Variants in CADPS observed in about 807,000 individuals in gnomAD.
The protein encoded by CADPS is calcium dependent secretion activator.
CADPS carries 57 observed loss-of-function variants against 167.3 expected under a neutral mutation model. The observed-to-expected ratio is 0.34, with a 90% CI of 0.28 to 0.42. The LOEUF (loss-of-function observed/expected upper bound fraction) is 0.42. Ranked by LOEUF, CADPS falls within the 20% of genes least tolerant of loss-of-function variation. CADPS has a pLI of 1.00. For synonymous variants in CADPS, 676 were observed against 635.3 expected (o/e 1.06, Z -0.96); for missense variants, 1,414 against 1,738.1 (o/e 0.81, Z 3.32).
chr3:62,818,281 C>T (rs2094722212), intron 1 of CADPS, among the ~76,000 whole-genome samples: 1 of 152,124 alleles, frequency 6.6e-6, no homozygotes, highest in Non-Finnish European at 1.5e-5. Flanking sequence ...ACCCACACTA[C>T]ATCTACTGTA....
At chr3:62,659,865 AG>A (rs1297367453) in intron 4 of CADPS, among the ~76,000 whole-genome samples, 2 of 152,210 alleles carry the variant, frequency 1.3e-5, no homozygotes, top group African/African-American at 4.8e-5. Flanking sequence ...AAAGAACAGG[AG>A]ACAGTAGAGG....
intron 6 of CADPS, among the ~76,000 whole-genome samples, chr3:62,621,391 C>T (rs1389532628): frequency 6.6e-6 from 1 of 151,988 alleles, no homozygotes; most frequent in East Asian, 1.9e-4. Context: ...TGGCAGAATC[C>T]CAGTGAGCAA....
At chr3:62,791,187 T>C (rs188083345) in intron 1 of CADPS, among the ~76,000 whole-genome samples, 1 of 152,338 alleles carries the variant, frequency 6.6e-6, no homozygotes, top group East Asian at 1.9e-4. Flanking sequence ...CTGAATATTC[T>C]ATAGCAGTAT....
rs1350761140 is a variant in CADPS at position 62,478,582 on chromosome 3, G to C, written c.3174-166C>G. ...GCGAGTCTCCACCGGCAGATTTTGA[G>C]TTTTACCATACATGACTTAGTGTGC... On this transcript the variant is annotated intron_variant, in intron 22 of 29. Coordinates refer to ENST00000383710, the MANE Select transcript of CADPS (RefSeq NM_003716.4). The surrounding 1 kb of genome is among the most constrained non-coding windows in gnomAD (Gnocchi z 5.7). Among the ~76,000 whole-genome samples, 1 of 152,116 alleles carries C rather than the reference G, an allele frequency of 6.6e-6. No individual in the cohort carries two copies. The highest frequency in any genetic ancestry group is 1.5e-5 in the Non-Finnish European group (1 of 68,026).
chr3:62,787,357 C>T (rs984326141), intron 1 of CADPS, among the ~76,000 whole-genome samples: 7 of 152,022 alleles, frequency 4.6e-5, no homozygotes, highest in African/African-American at 1.4e-4. Flanking sequence ...ATTCAGAAAG[C>T]GTGAAACAAA....
chr3:62,527,479 C>T lies in CADPS; in HGVS notation c.2291+5392G>A, dbSNP rs142695943. Among the ~76,000 whole-genome samples, 456 of 152,120 alleles carry T rather than the reference C, an allele frequency of 3.0e-3. 3 individuals are homozygous for T. Among genetic ancestry groups the T allele is most frequent in the African/African-American group, 0.011 (441 of 41,506 alleles). ...GTGGGGGGTGGGGGAGTGGGGATTA[C>T]CCCCAGTAATTCTAAAAATGCCAAA... On this transcript the variant is annotated intron_variant, in intron 13 of 29. Transcript: ENST00000383710.
chr3:62,521,821 G>A (rs1338979845), intron 13 of CADPS, among the ~76,000 whole-genome samples: 1 of 152,104 alleles, frequency 6.6e-6, no homozygotes, highest in Non-Finnish European at 1.5e-5. Context: ...GTAAATCGAG[G>A]TGCCTATTCC....
chr3:62,656,814 A>T (rs1377582387), intron 4 of CADPS, among the ~76,000 whole-genome samples: 1 of 152,178 alleles, frequency 6.6e-6, no homozygotes, highest in Non-Finnish European at 1.5e-5. Flanking sequence ...AGGCCAGCTT[A>T]TTTACCCAAT....
chr3:62,839,593 T>C (rs2076362254), intron 1 of CADPS, among the ~76,000 whole-genome samples: 1 of 152,034 alleles, frequency 6.6e-6, no homozygotes, highest in Admixed American at 6.5e-5. Context: ...AATGCCTTGG[T>C]GAGGAGCTAA....
At chr3:62,512,452 A>C (rs1354511653) in intron 17 of CADPS, among the ~76,000 whole-genome samples, 1 of 152,154 alleles carries the variant, frequency 6.6e-6, no homozygotes, top group Non-Finnish European at 1.5e-5. Flanking sequence ...CTTTTTAAAA[A>C]ATGCACATGA....
chr3:62,627,070 T>C (rs946019101), intron 6 of CADPS, among the ~76,000 whole-genome samples: 2 of 152,124 alleles, frequency 1.3e-5, no homozygotes, highest in African/African-American at 4.8e-5. Context: ...TGAGGATTTA[T>C]TCTTAATCTT....
chr3:62,657,070 G>C (rs969835128), intron 4 of CADPS, among the ~76,000 whole-genome samples: 2 of 152,162 alleles, frequency 1.3e-5, no homozygotes, highest in African/African-American at 4.8e-5. Flanking sequence ...ACACAGCATG[G>C]GTGCCATGTC....
chr3:62,737,241 G>T (rs1575650674), intron 3 of CADPS, among the ~76,000 whole-genome samples: 2 of 151,988 alleles, frequency 1.3e-5, no homozygotes, highest in Non-Finnish European at 1.5e-5. Context: ...TTGAGGCCAG[G>T]AGTTCGAGAC....
At chr3:62,618,648 G>A (rs185432579) in intron 6 of CADPS, among the ~76,000 whole-genome samples, 2 of 152,164 alleles carry the variant, frequency 1.3e-5, no homozygotes, top group East Asian at 3.9e-4. Flanking sequence ...CTTCCTTTCA[G>A]ATGCCAACTG....
rs752937730 is a variant in CADPS, at chr3:62,481,831, T to C, written c.3065A>G (p.Asn1022Ser). Reference protein sequence around the residue: ...TSNLPNVNLPNVNLPKVPNLP... With the variant: ...TSNLPNVNLPSVNLPKVPNLP... Reference sequence around the variant, plus strand: ...ATTTGGTACTTTGGGAAGGTTCACATTGGGTAGGTTCACATTGGGTAGGTT... The same window carrying C: ...ATTTGGTACTTTGGGAAGGTTCACACTGGGTAGGTTCACATTGGGTAGGTT... The change falls in exon 22 of 30, where the codon AAT (asparagine) becomes AGT (serine). Residue 1022 changes from asparagine (N) to serine (S), a missense_variant. Asn to Ser is a conservative substitution (Grantham distance 46). Transcript: ENST00000383710. 7 of 1,611,522 alleles carry C rather than the reference T, an allele frequency of 4.3e-6. No individual in the cohort carries two copies. The highest frequency in any genetic ancestry group is 1.7e-5 in the Admixed American group (1 of 59,610).
At chr3:62,432,205 T>C (rs1474687917) in intron 28 of CADPS, among the ~76,000 whole-genome samples, 2 of 152,130 alleles carry the variant, frequency 1.3e-5, no homozygotes, top group Non-Finnish European at 2.9e-5. Context: ...AAGAGACTCA[T>C]TGAATTTTTA....
chr3:62,731,331 G>A (rs1326294679), intron 3 of CADPS, among the ~76,000 whole-genome samples: 1 of 152,154 alleles, frequency 6.6e-6, no homozygotes. Context: ...GGGTGGAGCT[G>A]AGAGGGATGG....
intron 17 of CADPS, among the ~76,000 whole-genome samples, chr3:62,506,822 G>A (rs1313409678): frequency 6.6e-6 from 1 of 152,208 alleles, no homozygotes; most frequent in Admixed American, 6.5e-5. Flanking sequence ...ATTGTATACA[G>A]TTGCTTGGAG....
In CADPS at chr3:62,566,963, T is replaced by C. The variant is rs558774290; in HGVS notation, c.1644+3909A>G. On this transcript the variant is annotated intron_variant, in intron 9 of 29. Coordinates refer to ENST00000383710, the MANE Select transcript of CADPS (RefSeq NM_003716.4). ...GAGCTTTAGATGAGAAGTGCCCTTT[T>C]ATGATTCTCAGAAGTGAGCACAGAG... Among the ~76,000 whole-genome samples, 477 of 152,354 alleles carry C rather than the reference T, an allele frequency of 3.1e-3. 4 individuals are homozygous for C. Among genetic ancestry groups the C allele is most frequent in the African/African-American group, 0.011 (459 of 41,588 alleles).
Sources: allele counts gnomAD v4.1 joint callset (sites outside exome capture counted in the v4.1 genomes callset), GRCh38; gene constraint gnomAD v4.1.1; non-coding constraint Gnocchi (gnomAD v3.1); transcripts MANE v1.5; gene names NCBI Gene and HGNC (gene_info 2026-07-23, HGNC 2026-07-21).